Variants in CDKAL1 observed in about 807,000 individuals in gnomAD.
The protein encoded by CDKAL1 is threonylcarbamoyladenosine tRNA methylthiotransferase.
Under a neutral mutation model 68.2 loss-of-function variants are expected in CDKAL1, and 32 were observed. The ratio of observed to expected loss-of-function variants is 0.47; its 90% CI spans 0.35 to 0.63. The LOEUF is 0.63. CDKAL1 is among the 30% of genes least tolerant of loss of function. The probability of loss-of-function intolerance (pLI) is 0.00; values close to 1 mark genes in which losing one functional copy is unlikely to be tolerated. For missense variants in CDKAL1, 606 were observed against 696.7 expected (o/e 0.87, Z 1.47); for synonymous variants, 234 against 244.3 (o/e 0.96, Z 0.39).
chr6:20,534,715 A>T (rs1763100255), intron 1 of CDKAL1, 141 bp downstream of exon 1: 1 of 152,108 alleles, frequency 6.6e-6, no homozygotes, highest in African/African-American at 2.4e-5. Context: ...GCCAGCTGGG[A>T]TGGGGGAATT....
intron 4 of CDKAL1, among the ~76,000 whole-genome samples, chr6:20,604,434 A>G (rs1766244648): frequency 6.6e-6 from 1 of 152,202 alleles, no homozygotes; most frequent in African/African-American, 2.4e-5. Flanking sequence ...TGGAGGGGGC[A>G]AAGATATATT....
chr6:21,141,486 GT>G (rs1775905615), intron 13 of CDKAL1, among the ~76,000 whole-genome samples: 1 of 152,178 alleles, frequency 6.6e-6, no homozygotes, highest in Non-Finnish European at 1.5e-5. Context: ...AGAATAAGGT[GT>G]ATGTCCCCGC....
chr6:21,136,908 G>T (rs547919133), intron 13 of CDKAL1, among the ~76,000 whole-genome samples: 4 of 152,196 alleles, frequency 2.6e-5, no homozygotes, highest in South Asian at 2.1e-4. Context: ...TAACACGGAG[G>T]AATTACTTCC....
intron 7 of CDKAL1, among the ~76,000 whole-genome samples, chr6:20,761,748 G>A (rs1581529595): frequency 6.6e-6 from 1 of 152,184 alleles, no homozygotes; most frequent in African/African-American, 2.4e-5. Flanking sequence ...GGATCAGTTG[G>A]TGTCAGTGAT....
chr6:20,572,112 AC>A (rs2127679416), intron 4 of CDKAL1, among the ~76,000 whole-genome samples: 1 of 152,298 alleles, frequency 6.6e-6, no homozygotes, highest in South Asian at 2.1e-4. Context: ...AGAGCACTTT[AC>A]CCCTGTTGGA....
At chr6:20,643,268 C>T (rs1195086075) in intron 4 of CDKAL1, among the ~76,000 whole-genome samples, 3 of 152,182 alleles carry the variant, frequency 2.0e-5, no homozygotes, top group Non-Finnish European at 2.9e-5. Context: ...CCTTTTAAGG[C>T]ACTGGAGGAC....
intron 9 of CDKAL1, among the ~76,000 whole-genome samples, chr6:20,907,658 A>G (rs1762290392): frequency 6.6e-6 from 1 of 152,124 alleles, no homozygotes; most frequent in Non-Finnish European, 1.5e-5. Flanking sequence ...TTATTACAGG[A>G]ATGAGAGCTC....
At chr6:21,061,852 G>A (rs1457859625) in intron 11 of CDKAL1, among the ~76,000 whole-genome samples, 1 of 152,118 alleles carries the variant, frequency 6.6e-6, no homozygotes, top group Non-Finnish European at 1.5e-5. Context: ...TAAGCAATCA[G>A]TTTGTATTCT....
chr6:20,724,383 A>G (rs1772542226), intron 5 of CDKAL1, among the ~76,000 whole-genome samples: 1 of 152,088 alleles, frequency 6.6e-6, no homozygotes, highest in East Asian at 1.9e-4. Flanking sequence ...ATAACCTTTT[A>G]TGAGGTTAAA....
At chr6:21,052,474 G>A (rs1485568389) in intron 11 of CDKAL1, among the ~76,000 whole-genome samples, 1 of 151,246 alleles carries the variant, frequency 6.6e-6, no homozygotes, top group Non-Finnish European at 1.5e-5. Context: ...TCAGTTTCCT[G>A]AATAGCTGAG....
chr6:20,922,647 G>A (rs992072283), intron 9 of CDKAL1, among the ~76,000 whole-genome samples: 11 of 152,158 alleles, frequency 7.2e-5, no homozygotes, highest in African/African-American at 9.6e-5. Context: ...CAAACGACTC[G>A]TGTGTTTCAC....
At chr6:20,617,876 A>G (rs1057327863) in intron 4 of CDKAL1, among the ~76,000 whole-genome samples, 1 of 152,200 alleles carries the variant, frequency 6.6e-6, no homozygotes, top group African/African-American at 2.4e-5. Context: ...CGCAATAAAC[A>G]TACATGTACA....
rs1581619529 is a variant in CDKAL1 at position 20,808,163 on chromosome 6, T to C, written c.638+26898T>C. Among the ~76,000 whole-genome samples, 7 of 152,358 alleles carry C rather than the reference T, an allele frequency of 4.6e-5. No individual in the cohort carries two copies. The South Asian group carries it at 1.4e-3, about 32-fold the overall frequency. ...AGCAGATTAAAATTTGTAATTAATTTTGTTGCTAGGGCATTTTACCTTTGA... is the reference window on the plus strand; with the variant it reads ...AGCAGATTAAAATTTGTAATTAATTCTGTTGCTAGGGCATTTTACCTTTGA... On this transcript the variant is annotated intron_variant, in intron 8 of 15. Transcript: ENST00000274695.
chr6:20,918,716 C>T (rs1003582495), intron 9 of CDKAL1, among the ~76,000 whole-genome samples: 3 of 152,184 alleles, frequency 2.0e-5, no homozygotes, highest in Non-Finnish European at 4.4e-5. Flanking sequence ...TTCCGCTTCT[C>T]AGTTTCTTTA....
At position 20,999,685 on chromosome 6, in the gene CDKAL1, AAAG is replaced by A. The variant is rs1191532384; in HGVS notation, c.910-539_910-537del. Among the ~76,000 whole-genome samples, 1,142 of 135,266 alleles carry A rather than the reference AAAG, an allele frequency of 8.4e-3. 4 individuals are homozygous for A. The highest frequency in any genetic ancestry group is 0.036 in the African/African-American group (1,079 of 30,252). The allele number at this position is 135,266 out of a possible 152,430, so 88.7% of individuals were successfully genotyped here. A position where few individuals can be genotyped will look rare whatever the true frequency, so the allele number is the denominator to read the frequency against. On this transcript the variant is annotated intron_variant, in intron 10 of 15. Coordinates refer to ENST00000274695, the MANE Select transcript of CDKAL1 (RefSeq NM_017774.3). ...AATTAAAAAAAAAAAAAAAAAAAAA[AAAG>A]AAAGAAACAGGTGAGTTGTAGAGTT...
At chr6:21,221,536 G>C (rs1005586441) in intron 15 of CDKAL1, among the ~76,000 whole-genome samples, 2 of 152,086 alleles carry the variant, frequency 1.3e-5, no homozygotes, top group Non-Finnish European at 2.9e-5. Flanking sequence ...CCAATTTCAA[G>C]ATTCTTTTCT....
In CDKAL1 at chr6:21,052,941, A is replaced by G. The variant is rs140582101; in HGVS notation, c.1056-12107A>G. On this transcript the variant is annotated intron_variant, in intron 11 of 15. Transcript: ENST00000274695. ...GAGTATGTTATGGAAGATTCATGCT[A>G]TCTGTCTTCAGAAAGGTATTTTTTT... Among the ~76,000 whole-genome samples the G allele has an allele frequency of 1.5e-4, 23 of 152,336 alleles. 1 individual carries two copies. The highest frequency in any genetic ancestry group is 5.5e-4 in the African/African-American group (23 of 41,582).
At chr6:20,702,428 C>T (rs759621041) in intron 5 of CDKAL1, among the ~76,000 whole-genome samples, 58 of 152,162 alleles carry the variant, frequency 3.8e-4, no homozygotes, top group Non-Finnish European at 4.6e-4. Context: ...CTTGGTGTAC[C>T]GGAAGAATCA....
intron 12 of CDKAL1, among the ~76,000 whole-genome samples, chr6:21,089,331 G>A (rs1352944110): frequency 1.3e-5 from 2 of 152,016 alleles, no homozygotes; most frequent in Non-Finnish European, 1.5e-5. Flanking sequence ...AAAAAAATTA[G>A]CCAGGTGTGG....
Sources: gnomAD v4.1 joint callset for allele counts (sites outside exome capture counted in the v4.1 genomes callset) on GRCh38, gnomAD v4.1.1 for gene constraint, MANE v1.5 for transcripts, NCBI Gene and HGNC (gene_info 2026-07-23, HGNC 2026-07-21) for gene names.